MIPOL1: variants seen among roughly 807,000 people sequenced by gnomAD.
MIPOL1 encodes mirror-image polydactyly gene 1 protein.
In MIPOL1, 57 loss-of-function variants were observed where a neutral mutation model predicts 60.9. The observed-to-expected ratio is 0.94, with a 90% CI of 0.76 to 1.17. The LOEUF is 1.17. Ranked by LOEUF, MIPOL1 falls within the 50% of genes most tolerant of loss-of-function variation. MIPOL1 has a pLI of 0.00. For missense variants in MIPOL1, 551 were observed against 511.6 expected (o/e 1.08, Z -0.74); for synonymous variants, 179 against 168.8 (o/e 1.06, Z -0.47).
chr14:37,348,573 T>C (rs1377854734), intron 9 of MIPOL1, among the ~76,000 whole-genome samples: 1 of 151,948 alleles, frequency 6.6e-6, no homozygotes. Flanking sequence ...ATGTCCCTAA[T>C]GTGATCAGAA....
chr14:37,250,317 G>T (rs1165248342), intron 3 of MIPOL1, among the ~76,000 whole-genome samples: 1 of 152,142 alleles, frequency 6.6e-6, no homozygotes. Context: ...AGAGGCGAAG[G>T]CAGGTGGGTC....
chr14:37,314,164 T>C (rs370822126), intron 9 of MIPOL1, among the ~76,000 whole-genome samples: 7 of 152,332 alleles, frequency 4.6e-5, no homozygotes, highest in South Asian at 4.1e-4. Flanking sequence ...CTCCTTTAGA[T>C]GAAATATAAT....
chr14:37,312,964 G>T (rs370968418), intron 9 of MIPOL1, among the ~76,000 whole-genome samples: 1 of 152,106 alleles, frequency 6.6e-6, no homozygotes, highest in Non-Finnish European at 1.5e-5. Context: ...TAATTGGAAA[G>T]ATTTTTATAG....
chr14:37,355,181 G>T (rs1268281662), intron 9 of MIPOL1, among the ~76,000 whole-genome samples: 1 of 148,630 alleles, frequency 6.7e-6, no homozygotes, highest in East Asian at 2.0e-4. Flanking sequence ...AGTTTGGCTG[G>T]ATATGAAATT....
intron 9 of MIPOL1, among the ~76,000 whole-genome samples, chr14:37,339,354 G>C (rs1217535293): frequency 6.6e-6 from 1 of 152,170 alleles, no homozygotes; most frequent in African/African-American, 2.4e-5. Context: ...ATTGCTAATG[G>C]GAGTGTGAAA....
At chr14:37,456,543 A>C (rs1406668904) in intron 11 of MIPOL1, among the ~76,000 whole-genome samples, 1 of 152,156 alleles carries the variant, frequency 6.6e-6, no homozygotes, top group Non-Finnish European at 1.5e-5. Flanking sequence ...TCTTGCCGTA[A>C]TCCACTATTT....
At chr14:37,422,463 T>C (rs2093890198) in intron 10 of MIPOL1, among the ~76,000 whole-genome samples, 1 of 152,018 alleles carries the variant, frequency 6.6e-6, no homozygotes, top group Non-Finnish European at 1.5e-5. Flanking sequence ...AAATCTAGTA[T>C]GTTCAGGCAG....
intron 11 of MIPOL1, among the ~76,000 whole-genome samples, chr14:37,440,994 G>T (rs1186832914): frequency 6.6e-6 from 1 of 152,050 alleles, no homozygotes; most frequent in Non-Finnish European, 1.5e-5. Context: ...ATTTTAATTT[G>T]CATTTCTCTG....
At position 37,274,722 on chromosome 14, in the gene MIPOL1, T is replaced by C. The variant is rs146134846; in HGVS notation, c.493+4197T>C. The stretch of plus-strand genomic sequence containing the variant: ...AATGACAGCCTCACTAAGCATTAGT[T>C]AAAAATCTACTATAGGTTGTTGTGA... On this transcript the variant is annotated intron_variant, in intron 6 of 12. Transcript: ENST00000684589. Among the ~76,000 whole-genome samples the C allele has an allele frequency of 1.8e-3, 266 of 151,510 alleles. 1 individual carries two copies. The highest frequency in any genetic ancestry group is 3.1e-4 in the Non-Finnish European group (21 of 67,420).
Position 37,515,641 on chromosome 14 carries a change from A to G in MIPOL1, c.1262+15503A>G, listed in dbSNP as rs538037288. The stretch of plus-strand genomic sequence containing the variant: ...TTTAGTATCTTGAAAAATCTTTCTT[A>G]AGTTAAACTAATCTGCCTTCTTAGC... On this transcript the variant is annotated intron_variant, in intron 12 of 12. Coordinates refer to ENST00000684589, the MANE Select transcript of MIPOL1 (RefSeq NM_001388067.1). Among the ~76,000 whole-genome samples, 22 of 152,286 alleles carry G rather than the reference A, an allele frequency of 1.4e-4. 1 individual carries two copies. In the South Asian group the frequency reaches 4.6e-3, roughly 32 times the overall value.
rs112517077 is a variant in MIPOL1, at chr14:37,453,890, A to G, written c.1031+30941A>G. Reference sequence around the variant, plus strand: ...ATTAGTGAAAACCACACTGTCCAGTATCATCACTTTTCTTTTTTCATCTCC... The same window carrying G: ...ATTAGTGAAAACCACACTGTCCAGTGTCATCACTTTTCTTTTTTCATCTCC... On this transcript the variant is annotated intron_variant, in intron 11 of 12. Coordinates refer to ENST00000684589, the MANE Select transcript of MIPOL1 (RefSeq NM_001388067.1). Among the ~76,000 whole-genome samples the G allele has an allele frequency of 2.1e-3, 322 of 152,334 alleles. 1 individual carries two copies. The highest frequency in any genetic ancestry group is 7.2e-3 in the African/African-American group (300 of 41,580).
chr14:37,238,030 G>A (rs1419789986), intron 1 of MIPOL1, among the ~76,000 whole-genome samples: 4 of 151,968 alleles, frequency 2.6e-5, no homozygotes, highest in South Asian at 2.1e-4. Context: ...ACAATAGCGC[G>A]ATCATAGCTC....
intron 1 of MIPOL1, among the ~76,000 whole-genome samples, chr14:37,241,080 T>A (rs922396050): frequency 1.3e-5 from 2 of 152,230 alleles, no homozygotes; most frequent in East Asian, 3.9e-4. Flanking sequence ...TGGTGCCAGT[T>A]CGAAGGCCTG....
chr14:37,484,853 C>G (rs895487696), intron 11 of MIPOL1, among the ~76,000 whole-genome samples: 2 of 151,664 alleles, frequency 1.3e-5, no homozygotes, highest in African/African-American at 4.8e-5. Context: ...TTCTTTTTTA[C>G]TATTATTGTA....
chr14:37,262,051 A>T (rs2082550555), intron 3 of MIPOL1, among the ~76,000 whole-genome samples: 1 of 152,076 alleles, frequency 6.6e-6, no homozygotes, highest in Non-Finnish European at 1.5e-5. Flanking sequence ...TGGGGGGAAA[A>T]ACACATATAA....
chr14:37,382,178 A>C (rs538651844), intron 10 of MIPOL1, among the ~76,000 whole-genome samples: 1 of 152,044 alleles, frequency 6.6e-6, no homozygotes, highest in Non-Finnish European at 1.5e-5. Context: ...ACTGAATTCT[A>C]TGTAAAGTTG....
At position 37,308,449 on chromosome 14, in the gene MIPOL1, A is replaced by C. The variant is rs1203049498; in HGVS notation, c.758A>C (p.Glu253Ala). Residue 253 changes from glutamate (E) to alanine (A), a missense_variant, in exon 9 of 13, where the codon GAA (glutamate) becomes GCA (alanine). By Grantham distance (107) the Glu-to-Ala change is moderately radical. Transcript: ENST00000684589. ...IIVDRIYKTKECKMRITAEEM... is the reference protein window; with the variant it reads ...IIVDRIYKTKACKMRITAEEM... The stretch of plus-strand genomic sequence containing the variant: ...GTGGATAGAATCTACAAGACCAAGG[A>C]ATGTAAAATGAGAATAACTGCAGAA... 1 of 1,604,950 alleles carries C rather than the reference A, an allele frequency of 6.2e-7. No individual in the cohort carries two copies. Among genetic ancestry groups the C allele is most frequent in the East Asian group, 2.3e-5 (1 of 44,412 alleles).
Position 37,444,390 on chromosome 14 carries a change from C to T in MIPOL1, c.1031+21441C>T, listed in dbSNP as rs143695015. 3.5e-3 allele frequency among the ~76,000 whole-genome samples: 536 copies of T among 152,134 alleles called. 2 individuals are homozygous for T. The highest frequency in any genetic ancestry group is 0.01 in the Middle Eastern group (3 of 294). The stretch of plus-strand genomic sequence containing the variant: ...AACAATTATGGAAGACCCATGTAAA[C>T]GGAGAATTACATAGTGTTCATAAAT... On this transcript the variant is annotated intron_variant, in intron 11 of 12. Transcript: ENST00000684589.
chr14:37,488,546 G>A (rs1423377974), intron 11 of MIPOL1, among the ~76,000 whole-genome samples: 1 of 151,986 alleles, frequency 6.6e-6, no homozygotes, highest in Non-Finnish European at 1.5e-5. Context: ...AGCCCTTCTT[G>A]TTGCATTGAT....
Sources: gnomAD v4.1 joint callset for allele counts (sites outside exome capture counted in the v4.1 genomes callset) on GRCh38, gnomAD v4.1.1 for gene constraint, MANE v1.5 for transcripts, NCBI Gene and HGNC (gene_info 2026-07-23, HGNC 2026-07-21) for gene names.